NRG3: variants seen among roughly 807,000 people sequenced by gnomAD.
NRG3 encodes neuregulin 3.
NRG3 carries 31 observed loss-of-function variants against 66.9 expected under a neutral mutation model. The observed-to-expected ratio is 0.46, with a 90% confidence interval of 0.35 to 0.63. The LOEUF is 0.63. NRG3 is among the 20% of genes least tolerant of loss of function. The pLI, the probability that NRG3 is intolerant of heterozygous loss-of-function variation, is 0.00. For synonymous variants in NRG3, 393 were observed against 359.4 expected, an observed-to-expected ratio of 1.09 and a Z score of -1.06; for missense variants, 910 against 878.9, an observed-to-expected ratio of 1.04 and a Z score of -0.45.
At chr10:82,701,186 T>C (rs2055848606) in intron 2 of NRG3, among the ~76,000 whole-genome samples, 1 of 152,166 alleles carries the variant, frequency 6.6e-6, no homozygotes, top group Admixed American at 6.6e-5. Context: ...GTATGAGTCA[T>C]TAAACCACAA....
intron 1 of NRG3, among the ~76,000 whole-genome samples, chr10:81,945,476 T>G (rs759957965): frequency 7.9e-5 from 12 of 152,166 alleles, no homozygotes; most frequent in Non-Finnish European, 1.8e-4. Context: ...TGTTTTAAAT[T>G]GCGATTTTGC....
intron 1 of NRG3, among the ~76,000 whole-genome samples, chr10:82,287,824 A>C (rs941980949): frequency 3.3e-5 from 5 of 152,114 alleles, no homozygotes; most frequent in African/African-American, 1.2e-4. Flanking sequence ...CCATTGGTCC[A>C]ACATAGGTTG....
chr10:82,198,396 T>C (rs12774724), intron 1 of NRG3, among the ~76,000 whole-genome samples: 74,965 of 152,042 alleles, frequency 0.49, 19,503 homozygotes, highest in Middle Eastern at 0.66. Flanking sequence ...TTTATATTGC[T>C]TGGCTGTCTT....
At chr10:82,001,283 G>T (rs1250743136) in intron 1 of NRG3, among the ~76,000 whole-genome samples, 2 of 151,838 alleles carry the variant, frequency 1.3e-5, no homozygotes, top group Non-Finnish European at 2.9e-5. Flanking sequence ...TGGGCAGATC[G>T]CTCGAGGTCA....
At chr10:82,347,755 A>AT (rs1393007282) in intron 1 of NRG3, among the ~76,000 whole-genome samples, 4 of 152,176 alleles carry the variant, frequency 2.6e-5, no homozygotes, top group Non-Finnish European at 5.9e-5. Context: ...ATGCTCCTGT[A>AT]TTGGGTGCAT....
intron 3 of NRG3, among the ~76,000 whole-genome samples, chr10:82,852,452 C>G (rs937653827): frequency 6.6e-6 from 1 of 151,584 alleles, no homozygotes; most frequent in Non-Finnish European, 1.5e-5. Flanking sequence ...CCAGAACTTA[C>G]AGTAAAAATT....
At chr10:82,165,580 TC>T (rs1259081390) in intron 1 of NRG3, among the ~76,000 whole-genome samples, 3 of 152,070 alleles carry the variant, frequency 2.0e-5, no homozygotes, top group African/African-American at 7.2e-5. Flanking sequence ...ATCATTTTTT[TC>T]CTCATTGTAA....
chr10:81,997,044 T>A (rs2060965445), intron 1 of NRG3, among the ~76,000 whole-genome samples: 1 of 152,210 alleles, frequency 6.6e-6, no homozygotes, highest in Non-Finnish European at 1.5e-5. Flanking sequence ...TGCTTACACT[T>A]ATGAATCTAT....
chr10:82,165,662 T>C (rs56935566), intron 1 of NRG3, among the ~76,000 whole-genome samples: 6 of 152,074 alleles, frequency 3.9e-5, no homozygotes, highest in Non-Finnish European at 5.9e-5. Flanking sequence ...TCTTTCATAT[T>C]TGTTATTTAC....
chr10:82,287,354 G>T (rs1195566646), intron 1 of NRG3, among the ~76,000 whole-genome samples: 1 of 152,062 alleles, frequency 6.6e-6, no homozygotes, highest in Non-Finnish European at 1.5e-5. Flanking sequence ...GCTCCCTGAG[G>T]CCTCCCCAGA....
intron 2 of NRG3, among the ~76,000 whole-genome samples, chr10:82,431,065 G>T (rs1345818085): frequency 6.6e-6 from 1 of 152,054 alleles, no homozygotes. Flanking sequence ...TAAGGGTTTT[G>T]GTGGCTTGCC....
chr10:82,507,405 A>C (rs1429758385), intron 2 of NRG3, among the ~76,000 whole-genome samples: 3 of 152,228 alleles, frequency 2.0e-5, no homozygotes, highest in Non-Finnish European at 4.4e-5. Context: ...ATAAAAAAAT[A>C]AAAACTTCAT....
intron 2 of NRG3, among the ~76,000 whole-genome samples, chr10:82,525,701 G>A (rs1158439883): frequency 6.6e-6 from 1 of 151,324 alleles, no homozygotes; most frequent in African/African-American, 2.4e-5. Flanking sequence ...AAATGAGTTA[G>A]AAACCAGAAA....
chr10:82,727,312 G>A (rs956138882), intron 2 of NRG3, among the ~76,000 whole-genome samples: 3 of 129,094 alleles, frequency 2.3e-5, no homozygotes, highest in East Asian at 2.6e-4. Context: ...CCCATCACAG[G>A]CCTGGAGGCC....
intron 4 of NRG3, among the ~76,000 whole-genome samples, chr10:82,938,240 G>T (rs1247115562): frequency 6.6e-6 from 1 of 152,142 alleles, no homozygotes; most frequent in African/African-American, 2.4e-5. Flanking sequence ...TAGACCTGAG[G>T]TTTTCAACTT....
At chr10:82,252,382 A>T (rs934224855) in intron 1 of NRG3, among the ~76,000 whole-genome samples, 3 of 152,158 alleles carry the variant, frequency 2.0e-5, no homozygotes, top group African/African-American at 4.8e-5. Context: ...CAAATTTTCT[A>T]TGATATGGAT....
chr10:82,738,235 C>T (rs1031913506), intron 2 of NRG3, among the ~76,000 whole-genome samples: 1 of 96,440 alleles, frequency 1.0e-5, no homozygotes, highest in Non-Finnish European at 2.2e-5. Context: ...TTTTAGAGAC[C>T]AGTGTGTTGC....
chr10:82,558,350 G>T (rs988831634), intron 2 of NRG3, among the ~76,000 whole-genome samples: 3 of 152,104 alleles, frequency 2.0e-5, no homozygotes, highest in African/African-American at 7.2e-5. Context: ...CCCCTTGGGT[G>T]TCTCTCAGCT....
chr10:82,786,708 G>A (rs924724485), intron 3 of NRG3, among the ~76,000 whole-genome samples: 1 of 152,104 alleles, frequency 6.6e-6, no homozygotes, highest in East Asian at 1.9e-4. Flanking sequence ...TCCAAGCCAG[G>A]GGGCAGCATG....
Sources: gnomAD v4.1 joint callset for allele counts (sites outside exome capture counted in the v4.1 genomes callset) on GRCh38, gnomAD v4.1.1 for gene constraint, MANE v1.5 for transcripts, NCBI Gene and HGNC (gene_info 2026-07-23, HGNC 2026-07-21) for gene names.